EML4: variants seen among roughly 807,000 people sequenced by gnomAD.
The protein encoded by EML4 is echinoderm microtubule-associated protein-like 4.
In EML4, 72 loss-of-function variants were observed where a neutral mutation model predicts 129.0. The ratio of observed to expected loss-of-function variants is 0.56; its 90% CI spans 0.46 to 0.68. The LOEUF (loss-of-function observed/expected upper bound fraction) is 0.68. EML4 is among the 30% of genes least tolerant of loss of function. EML4 has a pLI of 0.00. For synonymous variants in EML4, 532 were observed against 405.0 expected (o/e 1.31, Z -3.77); for missense variants, 1,363 against 1,190.6 (o/e 1.14, Z -2.13).
At chr2:42,285,586 C>CTTTTTTTTTTTTTTT (rs70963307) in intron 9 of EML4, among the ~76,000 whole-genome samples, 1 of 145,926 alleles carries the variant, frequency 6.9e-6, no homozygotes, top group African/African-American at 2.5e-5. Flanking sequence ...CTGACTCCAC[C>CTTTTTTTTTTTTTTT]TTTTTTTTTT....
chr2:42,255,529 CCA>C (rs1676078916), intron 2 of EML4, among the ~76,000 whole-genome samples: 1 of 152,082 alleles, frequency 6.6e-6, no homozygotes. Context: ...GACTGTTTTA[CCA>C]CAGTTTTTAA....
At chr2:42,220,568 C>G (rs1186568301) in intron 1 of EML4, among the ~76,000 whole-genome samples, 1 of 152,042 alleles carries the variant, frequency 6.6e-6, no homozygotes, top group East Asian at 1.9e-4. Flanking sequence ...CTCCCTATTC[C>G]CTGAGATAAC....
chr2:42,175,974 G>T (rs984844324), intron 1 of EML4, among the ~76,000 whole-genome samples: 13 of 148,676 alleles, frequency 8.7e-5, no homozygotes, highest in Admixed American at 8.7e-4. Flanking sequence ...TTTGCATTCT[G>T]TTTTTTTCGT....
chr2:42,180,782 C>T (rs184908709), intron 1 of EML4, among the ~76,000 whole-genome samples: 1 of 152,176 alleles, frequency 6.6e-6, no homozygotes. Flanking sequence ...CACTAATTGT[C>T]TCAATAATGT....
chr2:42,317,665 C>T lies in EML4; in HGVS notation c.2154+141C>T, dbSNP rs2103794997. 5.0e-6 allele frequency: 3 copies of T among 602,834 alleles called. No homozygotes were observed. In the East Asian group the frequency reaches 8.5e-5, roughly 17 times the overall value. The allele number at this position is 602,834 out of a possible 1,614,324, so 37.3% of individuals were successfully genotyped here. A position where few individuals can be genotyped will look rare whatever the true frequency, so the allele number is the denominator to read the frequency against. On this transcript the variant is annotated intron_variant, in intron 19 of 22. Coordinates refer to ENST00000318522, the MANE Select transcript of EML4 (RefSeq NM_019063.5). ...TCTTTGAAAACTGGAACTGGTAATA[C>T]ATGATAGCAGAACATCAGAGTTCCC...
At chr2:42,306,650 C>T (rs1014764753) in intron 17 of EML4, among the ~76,000 whole-genome samples, 6 of 134,530 alleles carry the variant, frequency 4.5e-5, no homozygotes, top group South Asian at 2.6e-4. Flanking sequence ...CCTGCCACCA[C>T]GCCTGGCTAA....
In EML4 at chr2:42,325,428, C is replaced by G. The variant is rs775640045; in HGVS notation, c.2155-39C>G. The G allele has an allele frequency of 2.6e-5, 25 of 947,704 alleles. 1 individual carries two copies. The South Asian group carries it at 3.4e-4, about 13-fold the overall frequency. The allele number at this position is 947,704 out of a possible 1,614,324, so 58.7% of individuals were successfully genotyped here. A position where few individuals can be genotyped will look rare whatever the true frequency, so the allele number is the denominator to read the frequency against. On this transcript the variant is annotated intron_variant, in intron 19 of 22. Transcript: ENST00000318522. ...CTGTTGAACTGTTTATCATTCAGAA[C>G]TCTAAATGCTTTCTAACAATTTATC...
intron 19 of EML4, chr2:42,320,097 T>C (rs1305488767): frequency 6.6e-6 from 1 of 152,212 alleles, no homozygotes; most frequent in Non-Finnish European, 1.5e-5. Context: ...TACCCAATGA[T>C]GTGAAACAGC....
chr2:42,263,733 T>G (rs959556475), intron 5 of EML4, among the ~76,000 whole-genome samples: 2 of 147,314 alleles, frequency 1.4e-5, no homozygotes, highest in Non-Finnish European at 1.5e-5. Flanking sequence ...AACTCTGTAT[T>G]ATAATTTATA....
rs946014903 is a variant in EML4, at chr2:42,223,731, G to T, written c.26-21774G>T. 6.6e-5 allele frequency among the ~76,000 whole-genome samples: 10 copies of T among 152,204 alleles called. No individual in the cohort carries two copies. In the South Asian group the frequency reaches 1.9e-3, roughly 28 times the overall value. On this transcript the variant is annotated intron_variant, in intron 1 of 22. Coordinates refer to ENST00000318522, the MANE Select transcript of EML4 (RefSeq NM_019063.5). Reference sequence around the variant, plus strand: ...TGTAAGAAACATCTTTGTTTACAAAGACCATTACATTTTCACTAATCTTTG... The same window carrying T: ...TGTAAGAAACATCTTTGTTTACAAATACCATTACATTTTCACTAATCTTTG...
At chr2:42,294,615 G>C (rs547206646) in intron 11 of EML4, among the ~76,000 whole-genome samples, 2 of 152,090 alleles carry the variant, frequency 1.3e-5, no homozygotes, top group Admixed American at 1.3e-4. Context: ...AGAACCACTT[G>C]AACTCCGGAG....
intron 18 of EML4, among the ~76,000 whole-genome samples, chr2:42,316,929 CA>C (rs1397931461): frequency 7.9e-5 from 12 of 152,234 alleles, no homozygotes; most frequent in African/African-American, 2.9e-4. Context: ...GTTGTAGTAG[CA>C]AATAACCACT....
intron 19 of EML4, among the ~76,000 whole-genome samples, chr2:42,324,563 G>C (rs528394925): frequency 6.6e-6 from 1 of 152,316 alleles, no homozygotes; most frequent in South Asian, 2.1e-4. Context: ...AGGCTGCAGT[G>C]AGCCATGATA....
At chr2:42,313,189 C>G (rs917849519) in intron 17 of EML4, among the ~76,000 whole-genome samples, 2 of 151,668 alleles carry the variant, frequency 1.3e-5, no homozygotes, top group Non-Finnish European at 2.9e-5. Flanking sequence ...ATCTCCTGAC[C>G]TCGTGATCCG....
At chr2:42,230,409 A>G (rs571820106) in intron 1 of EML4, among the ~76,000 whole-genome samples, 1 of 151,938 alleles carries the variant, frequency 6.6e-6, no homozygotes, top group African/African-American at 2.4e-5. Flanking sequence ...TTTTTATTTT[A>G]TTTATTTATT....
At chr2:42,272,033 G>A (rs1283647282) in intron 6 of EML4, among the ~76,000 whole-genome samples, 1 of 150,546 alleles carries the variant, frequency 6.6e-6, no homozygotes, top group Non-Finnish European at 1.5e-5. Context: ...AACCCGGGAG[G>A]CGGAGTTTGC....
At chr2:42,249,418 T>A (rs1041794598) in intron 2 of EML4, among the ~76,000 whole-genome samples, 13 of 152,170 alleles carry the variant, frequency 8.5e-5, no homozygotes, top group Non-Finnish European at 1.5e-5. Context: ...AGAGGTCAAA[T>A]TAAATTCCTG....
Position 42,329,811 on chromosome 2 carries a change from A to T in EML4, c.2550A>T (p.Ile850=). 6.2e-7 allele frequency: 1 copy of T among 1,614,142 alleles called. No individual in the cohort carries two copies. The highest frequency in any genetic ancestry group is 1.3e-5 in the African/African-American group (1 of 75,048). Residue 850 remains isoleucine, a synonymous_variant, in exon 23 of 23, where the codon ATA becomes ATT. Transcript: ENST00000318522. ...TTACTCACAATGACAGTCACCTGAT[A>T]TCAACTGGTGGAAAAGACATGAGCA... The part of the protein sequence containing the change: ...VSFTHNDSHL[I]STGGKDMSII...
intron 6 of EML4, 149 bp downstream of exon 6, chr2:42,264,880 G>A (rs1665964354): frequency 6.5e-7 from 1 of 1,546,950 alleles, no homozygotes; most frequent in South Asian, 1.2e-5. Flanking sequence ...AAAAAACCCA[G>A]TTTTTATTGT....
Sources: allele counts gnomAD v4.1 joint callset (sites outside exome capture counted in the v4.1 genomes callset), GRCh38; gene constraint gnomAD v4.1.1; transcripts MANE v1.5; gene names NCBI Gene and HGNC (gene_info 2026-07-23, HGNC 2026-07-21).